The following ARHGAP15 variants were observed in gnomAD, a reference collection of about 807,000 sequenced individuals.
The protein encoded by ARHGAP15 is Rho GTPase activating protein 15, also known as rho GTPase-activating protein 15.
In ARHGAP15, 51 loss-of-function variants were observed where a neutral mutation model predicts 63.7. The ratio of observed to expected loss-of-function variants is 0.80; its 90% confidence interval spans 0.64 to 1.01. The LOEUF (loss-of-function observed/expected upper bound fraction) is 1.01, where lower values mean the gene tolerates loss of function less well. Among genes scored for constraint, ARHGAP15 ranks in the 50% least tolerant of loss-of-function variants. The probability of loss-of-function intolerance (pLI) is 0.00; values close to 1 mark genes in which losing one functional copy is unlikely to be tolerated. For missense variants in ARHGAP15, 560 were observed against 564.6 expected, an observed-to-expected ratio of 0.99 and a Z score of 0.08; for synonymous variants, 191 against 193.8, an observed-to-expected ratio of 0.99 and a Z score of 0.12.
intron 10 of ARHGAP15, among the ~76,000 whole-genome samples, chr2:143,522,831 A>G (rs1431961344): frequency 6.6e-6 from 1 of 152,182 alleles, no homozygotes; most frequent in African/African-American, 2.4e-5. Flanking sequence ...TATAGTAGAT[A>G]CAAGCAGTGA....
intron 11 of ARHGAP15, among the ~76,000 whole-genome samples, chr2:143,606,252 AGCCTTGGC>A (rs1698025065): frequency 1.3e-5 from 2 of 152,194 alleles, no homozygotes; most frequent in African/African-American, 2.4e-5. Context: ...TTTGACTCAA[AGCCTTGGC>A]TCTCCTATTC....
intron 1 of ARHGAP15, among the ~76,000 whole-genome samples, chr2:143,141,091 TCTC>T (rs1423691025): frequency 6.6e-6 from 1 of 152,010 alleles, no homozygotes; most frequent in Non-Finnish European, 1.5e-5. Flanking sequence ...TGATCTGACT[TCTC>T]CTGACCATGA....
intron 6 of ARHGAP15, among the ~76,000 whole-genome samples, chr2:143,258,831 C>G (rs1680560279): frequency 1.3e-5 from 2 of 152,122 alleles, no homozygotes; most frequent in Non-Finnish European, 2.9e-5. Context: ...ACCTCAGCCT[C>G]ATCAATTTAC....
intron 11 of ARHGAP15, among the ~76,000 whole-genome samples, chr2:143,564,596 C>T (rs1037682098): frequency 6.6e-6 from 1 of 152,090 alleles, no homozygotes; most frequent in African/African-American, 2.4e-5. Context: ...GGAGACATGA[C>T]TTACCAAGAC....
intron 10 of ARHGAP15, among the ~76,000 whole-genome samples, chr2:143,549,300 A>G (rs1275984392): frequency 6.6e-6 from 1 of 152,180 alleles, no homozygotes; most frequent in East Asian, 1.9e-4. Flanking sequence ...AATAATAGAA[A>G]ATATGTGTTT....
intron 11 of ARHGAP15, among the ~76,000 whole-genome samples, chr2:143,615,876 G>T (rs1045656343): frequency 2.6e-5 from 4 of 151,994 alleles, no homozygotes; most frequent in African/African-American, 9.7e-5. Context: ...TGGAGAAGAT[G>T]GTTAAATAAA....
intron 6 of ARHGAP15, among the ~76,000 whole-genome samples, chr2:143,431,517 C>T (rs1018382090): frequency 2.0e-5 from 3 of 151,976 alleles, no homozygotes; most frequent in African/African-American, 4.8e-5. Flanking sequence ...ATACAATCAA[C>T]GTTTAAAGAA....
At chr2:143,222,139 A>G (rs576786751) in intron 4 of ARHGAP15, among the ~76,000 whole-genome samples, 1 of 152,326 alleles carries the variant, frequency 6.6e-6, no homozygotes, top group Non-Finnish European at 1.5e-5. Flanking sequence ...AGCAGTCATA[A>G]ATTACAAGAT....
chr2:143,198,581 C>T (rs1691981261), intron 2 of ARHGAP15, among the ~76,000 whole-genome samples: 1 of 152,060 alleles, frequency 6.6e-6, no homozygotes, highest in African/African-American at 2.4e-5. Flanking sequence ...TGAAAACACT[C>T]ATCAGCTAAA....
At chr2:143,486,639 A>C (rs745404876) in intron 8 of ARHGAP15, among the ~76,000 whole-genome samples, 1 of 152,144 alleles carries the variant, frequency 6.6e-6, no homozygotes, top group Non-Finnish European at 1.5e-5. Flanking sequence ...CCCAGACCTC[A>C]TGTATTATAT....
chr2:143,617,803 A>T (rs1241537013), intron 11 of ARHGAP15, among the ~76,000 whole-genome samples: 3 of 152,196 alleles, frequency 2.0e-5, no homozygotes, highest in Admixed American at 6.5e-5. Flanking sequence ...AGGATGTAAA[A>T]TGTCCAGAAC....
chr2:143,722,537 AT>A (rs1431193317), intron 13 of ARHGAP15, among the ~76,000 whole-genome samples: 1 of 152,196 alleles, frequency 6.6e-6, no homozygotes. Context: ...AGTGGAGAAG[AT>A]AAAAGTGTGC....
intron 6 of ARHGAP15, among the ~76,000 whole-genome samples, chr2:143,403,564 A>T (rs936783346): frequency 1.3e-5 from 2 of 151,920 alleles, no homozygotes; most frequent in African/African-American, 4.8e-5. Flanking sequence ...CCCAAAACAA[A>T]AACACAACCA....
At chr2:143,156,036 A>G (rs1210940538) in intron 2 of ARHGAP15, among the ~76,000 whole-genome samples, 2 of 18,144 alleles carry the variant, frequency 1.1e-4, no homozygotes, top group East Asian at 2.4e-3. Context: ...TGAATTGAGA[A>G]AAAAAAAAAT....
At chr2:143,497,571 T>C (rs1692871047) in intron 9 of ARHGAP15, among the ~76,000 whole-genome samples, 1 of 152,198 alleles carries the variant, frequency 6.6e-6, no homozygotes, top group African/African-American at 2.4e-5. Flanking sequence ...ATTCTTCAGC[T>C]TAGTTCTTGT....
intron 6 of ARHGAP15, among the ~76,000 whole-genome samples, chr2:143,300,296 G>C (rs186086390): frequency 6.6e-6 from 1 of 152,122 alleles, no homozygotes; most frequent in African/African-American, 2.4e-5. Flanking sequence ...TCAGGATCAG[G>C]TGTGGCCTTG....
intron 6 of ARHGAP15, among the ~76,000 whole-genome samples, chr2:143,323,921 A>AAAAAC (rs1558893097): frequency 2.9e-4 from 44 of 149,650 alleles, no homozygotes; most frequent in African/African-American, 9.5e-4. Flanking sequence ...AAAAAAAAAA[A>AAAAAC]AACACCTAAA....
chr2:143,481,287 G>C (rs1328167535), intron 8 of ARHGAP15, among the ~76,000 whole-genome samples: 1 of 151,944 alleles, frequency 6.6e-6, no homozygotes, highest in Non-Finnish European at 1.5e-5. Context: ...AAACCTCACC[G>C]ATAAAGTGAG....
At chr2:143,391,950 G>A (rs1687554217) in intron 6 of ARHGAP15, among the ~76,000 whole-genome samples, 1 of 152,068 alleles carries the variant, frequency 6.6e-6, no homozygotes, top group Non-Finnish European at 1.5e-5. Flanking sequence ...TCACAAAAAA[G>A]AACGTATTAT....
Sources: allele counts gnomAD v4.1 joint callset (sites outside exome capture counted in the v4.1 genomes callset), GRCh38; gene constraint gnomAD v4.1.1; transcripts MANE v1.5; gene names NCBI Gene and HGNC (gene_info 2026-07-23, HGNC 2026-07-21).